The following UBE2QL1 variants were observed in gnomAD, a reference collection of about 807,000 sequenced individuals.
UBE2QL1 encodes the protein ubiquitin-conjugating enzyme E2Q-like protein 1.
UBE2QL1 carries 5 observed loss-of-function variants against 12.6 expected under a neutral mutation model. The observed-to-expected ratio is 0.40, with a 90% CI of 0.21 to 0.83. UBE2QL1 has a LOEUF of 0.83. Among genes scored for constraint, UBE2QL1 ranks in the 40% least tolerant of loss-of-function variants. The pLI is 0.37. For synonymous variants in UBE2QL1, 96 were observed against 94.5 expected, an observed-to-expected ratio of 1.02 and a Z score of -0.10; for missense variants, 99 against 222.6, an observed-to-expected ratio of 0.44 and a Z score of 3.53.
chr5:6,484,130 G>A (rs901127746), intron 1 of UBE2QL1, among the ~76,000 whole-genome samples: 13 of 152,230 alleles, frequency 8.5e-5, no homozygotes, highest in African/African-American at 2.9e-4. Flanking sequence ...GAATGAGTCT[G>A]CTGTTGGTGT....
In UBE2QL1 at chr5:6,478,896, C is replaced by T. The variant is rs1339281845; in HGVS notation, c.355-12322C>T. Among the ~76,000 whole-genome samples the T allele has an allele frequency of 6.6e-6, 1 of 152,124 alleles. No homozygotes were observed. ...GGAGACATGGAGAGTGGGTGCCCAT[C>T]GGTGCATCTGATCTCCCTGGCACCC... On this transcript the variant is annotated intron_variant, in intron 1 of 1. Coordinates refer to ENST00000399816, the MANE Select transcript of UBE2QL1 (RefSeq NM_001145161.3). This position sits in a 1 kb window ranked among gnomAD's most constrained non-coding sequence, Gnocchi z 4.5.
chr5:6,488,952 T>G (rs1197520736), intron 1 of UBE2QL1, among the ~76,000 whole-genome samples: 1 of 152,230 alleles, frequency 6.6e-6, no homozygotes, highest in Non-Finnish European at 1.5e-5. Context: ...TGGTCTCTTT[T>G]TATCAAGCAT....
At chr5:6,461,540 A>ACCCCC (rs71606052) in intron 1 of UBE2QL1, among the ~76,000 whole-genome samples, 53 of 46,792 alleles carry the variant, frequency 1.1e-3, no homozygotes, top group Non-Finnish European at 2.0e-3. Context: ...TTCAGCACCC[A>ACCCCC]CCACCCCCCC....
intron 1 of UBE2QL1, among the ~76,000 whole-genome samples, chr5:6,477,816 A>G (rs1376350664): frequency 6.6e-6 from 1 of 152,228 alleles, no homozygotes; most frequent in African/African-American, 2.4e-5. Context: ...CAAATTGCAT[A>G]TGCAAGGCTG....
chr5:6,491,301 G>A lies in UBE2QL1; in HGVS notation c.438G>A (p.Lys146=). The A allele has an allele frequency of 6.4e-7, 1 of 1,551,412 alleles. No homozygotes were observed. Among genetic ancestry groups the A allele is most frequent in the African/African-American group, 1.4e-5 (1 of 73,126 alleles). ...EAEATFKSLV[K]THEKYGWVTP... ...AAGCTACCTTTAAGAGTTTGGTGAA[G>A]ACGCATGAAAAATATGGTTGGGTCA... The change falls in exon 2 of 2, where the codon AAG becomes AAA. Residue 146 remains lysine, a synonymous_variant. Transcript: ENST00000399816.
chr5:6,496,661 GA>G lies in UBE2QL1; in HGVS notation c.*5322del, dbSNP rs139462369. Among the ~76,000 whole-genome samples, 10,125 of 148,032 alleles carry G rather than the reference GA, an allele frequency of 0.068. 856 individuals are homozygous for G. The highest frequency in any genetic ancestry group is 0.2 in the African/African-American group (8,253 of 40,630). On this transcript the variant is annotated 3_prime_UTR_variant, in exon 2 of 2. Coordinates refer to ENST00000399816, the MANE Select transcript of UBE2QL1 (RefSeq NM_001145161.3). ...TAATCTAGAGGCACTGCCCTAATGA[GA>G]AAAAAAAAACAATGATTCTAGAAAA...
chr5:6,491,503 T>C lies in UBE2QL1; in HGVS notation c.*154T>C. 1 of 1,062,544 alleles carries C rather than the reference T, an allele frequency of 9.4e-7. No individual in the cohort carries two copies. Among genetic ancestry groups the C allele is most frequent in the Non-Finnish European group, 1.3e-6 (1 of 774,354 alleles). 65.8% of individuals were successfully genotyped at this position (1,062,544 alleles called of 1,614,324 possible). On this transcript the variant is annotated 3_prime_UTR_variant, in exon 2 of 2. Coordinates refer to ENST00000399816, the MANE Select transcript of UBE2QL1 (RefSeq NM_001145161.3). ...GACGTTTAAGTTATTTATGAAAAGA[T>C]GTGTGTACAGAGAGGAAGAGGGAGC...
In UBE2QL1 at chr5:6,479,752, T is replaced by C. The variant is rs1030786358; in HGVS notation, c.355-11466T>C. 3.9e-5 allele frequency among the ~76,000 whole-genome samples: 6 copies of C among 152,182 alleles called. No homozygotes were observed. The highest frequency in any genetic ancestry group is 8.8e-5 in the Non-Finnish European group (6 of 68,044). On this transcript the variant is annotated intron_variant, in intron 1 of 1. Transcript: ENST00000399816. The surrounding 1 kb of genome is among the most constrained non-coding windows in gnomAD (Gnocchi z 4.2). ...CCAAGAAAAGCAGCTTCCTTTTGCA[T>C]TCTGGTCCTGGCCAAAATGACAAAC... is the stretch of plus-strand genomic sequence containing the variant.
chr5:6,467,211 C>T (rs1739816802), intron 1 of UBE2QL1, among the ~76,000 whole-genome samples: 2 of 152,112 alleles, frequency 1.3e-5, no homozygotes, highest in South Asian at 4.1e-4. Flanking sequence ...CTCCCCTTTC[C>T]TCCTTCCATT....
At chr5:6,471,658 A>G (rs1290171512) in intron 1 of UBE2QL1, among the ~76,000 whole-genome samples, 3 of 152,176 alleles carry the variant, frequency 2.0e-5, no homozygotes, top group Non-Finnish European at 4.4e-5. Flanking sequence ...TGTGCAATAG[A>G]AGCAAGCTCA....
intron 1 of UBE2QL1, among the ~76,000 whole-genome samples, chr5:6,464,497 G>A (rs1425460744): frequency 2.0e-5 from 3 of 152,184 alleles, no homozygotes; most frequent in African/African-American, 7.2e-5. Context: ...ATCAGAAGTA[G>A]CTGATTTCCC....
intron 1 of UBE2QL1, among the ~76,000 whole-genome samples, chr5:6,460,087 G>A (rs935312157): frequency 1.3e-5 from 2 of 152,178 alleles, no homozygotes; most frequent in Non-Finnish European, 2.9e-5. Flanking sequence ...CAGTTCTCTG[G>A]TGTTATTGGT....
At chr5:6,465,079 T>G (rs1207267560) in intron 1 of UBE2QL1, among the ~76,000 whole-genome samples, 2 of 151,898 alleles carry the variant, frequency 1.3e-5, no homozygotes, top group Non-Finnish European at 2.9e-5. Context: ...CTCTGCCTCC[T>G]GGCTTTAAGC....
At chr5:6,462,732 G>A (rs1434076021) in intron 1 of UBE2QL1, among the ~76,000 whole-genome samples, 1 of 152,182 alleles carries the variant, frequency 6.6e-6, no homozygotes, top group East Asian at 1.9e-4. Flanking sequence ...CAAAATCCCT[G>A]TGGGACTTTC....
chr5:6,492,188 G>A lies in UBE2QL1; in HGVS notation c.*839G>A, dbSNP rs1734586050. ...GAAATGGTCCTACGGCCGCGCCTTT[G>A]TGTTCCTGTCTTCTCTCCACCACCA... On this transcript the variant is annotated 3_prime_UTR_variant, in exon 2 of 2. Coordinates refer to ENST00000399816, the MANE Select transcript of UBE2QL1 (RefSeq NM_001145161.3). 1 of 152,260 alleles carries A rather than the reference G, an allele frequency of 6.6e-6. No individual in the cohort carries two copies. Among genetic ancestry groups the A allele is most frequent in the African/African-American group, 2.4e-5 (1 of 41,468 alleles). The allele number at this position is 152,260 out of a possible 1,614,324, so 9.4% of individuals were successfully genotyped here.
chr5:6,464,638 G>T (rs895706221), intron 1 of UBE2QL1, among the ~76,000 whole-genome samples: 5 of 152,220 alleles, frequency 3.3e-5, no homozygotes, highest in Non-Finnish European at 7.3e-5. Context: ...TAACATGCTG[G>T]CAGCCAGCAG....
intron 1 of UBE2QL1, among the ~76,000 whole-genome samples, chr5:6,458,089 G>T (rs559114930): frequency 6.6e-6 from 1 of 152,308 alleles, no homozygotes; most frequent in South Asian, 2.1e-4. Context: ...GAAAGGGAAA[G>T]GCATTTTAGA....
At chr5:6,480,633 T>A (rs1164823019) in intron 1 of UBE2QL1, among the ~76,000 whole-genome samples, 5 of 152,228 alleles carry the variant, frequency 3.3e-5, no homozygotes, top group Non-Finnish European at 7.3e-5. Flanking sequence ...ACCATCTGTT[T>A]CAAAACAGTT....
At chr5:6,470,530 A>G (rs1351319212) in intron 1 of UBE2QL1, among the ~76,000 whole-genome samples, 3 of 152,312 alleles carry the variant, frequency 2.0e-5, no homozygotes, top group Admixed American at 6.5e-5. Context: ...ACACGTGTGC[A>G]CACACACACT....
Sources: allele counts gnomAD v4.1 joint callset (sites outside exome capture counted in the v4.1 genomes callset), GRCh38; gene constraint gnomAD v4.1.1; non-coding constraint Gnocchi (gnomAD v3.1); transcripts MANE v1.5; gene names NCBI Gene and HGNC (gene_info 2026-07-23, HGNC 2026-07-21).